Variants in RANBP2 observed in about 807,000 individuals in gnomAD.
RANBP2 encodes RAN binding protein 2.
Under a neutral mutation model 303.6 loss-of-function variants are expected in RANBP2, and 57 were observed. The observed-to-expected ratio is 0.19, with a 90% confidence interval of 0.15 to 0.23. The LOEUF is 0.23. Ranked by LOEUF, RANBP2 falls within the 10% of genes least tolerant of loss-of-function variation. The pLI, the probability that RANBP2 is intolerant of heterozygous loss-of-function variation, is 1.00. For synonymous variants in RANBP2, 1,167 were observed against 1,301.5 expected (o/e 0.90, Z 2.23); for missense variants, 3,138 against 3,780.8 (o/e 0.83, Z 4.46).
chr2:109,170,944 C>G, the RANBP2 span, among the ~76,000 whole-genome samples: 1 of 152,182 alleles, frequency 6.6e-6, no homozygotes, highest in South Asian at 2.1e-4. Flanking sequence ...GTAGCCCACA[C>G]CGGGCTGGGT....
the RANBP2 span, among the ~76,000 whole-genome samples, chr2:109,670,542 G>A: frequency 7.2e-5 from 11 of 152,094 alleles, no homozygotes; most frequent in Non-Finnish European, 1.6e-4. Flanking sequence ...TGCCAGTGGC[G>A]GGTGGCAGAG....
At chr2:108,888,725 C>T in the RANBP2 span, among the ~76,000 whole-genome samples, 2 of 151,684 alleles carry the variant, frequency 1.3e-5, no homozygotes, top group East Asian at 3.9e-4. Flanking sequence ...AACCGTGTAT[C>T]AATTTTTTTT....
chr2:109,104,637 C>T, the RANBP2 span, among the ~76,000 whole-genome samples: 1 of 152,094 alleles, frequency 6.6e-6, no homozygotes, highest in East Asian at 1.9e-4. Flanking sequence ...GCGCCCGCCA[C>T]CATGCCAGGC....
the RANBP2 span, among the ~76,000 whole-genome samples, chr2:109,339,288 T>TG: frequency 2.0e-5 from 2 of 101,218 alleles, no homozygotes; most frequent in East Asian, 3.1e-4. Flanking sequence ...TTTGGGGGGG[T>TG]GGGGGGTAAC....
the RANBP2 span, among the ~76,000 whole-genome samples, chr2:109,372,008 C>G: frequency 6.6e-6 from 1 of 152,166 alleles, no homozygotes; most frequent in African/African-American, 2.4e-5. Flanking sequence ...TTCTCCAACT[C>G]CCCCAAGTGC....
At chr2:109,686,620 ATTT>A in the RANBP2 span, among the ~76,000 whole-genome samples, 2 of 151,032 alleles carry the variant, frequency 1.3e-5, no homozygotes, top group Non-Finnish European at 3.0e-5. Flanking sequence ...GCTTCTTACT[ATTT>A]TTTTTTAAGA....
chr2:109,071,066 G>A, the RANBP2 span, among the ~76,000 whole-genome samples: 1 of 152,108 alleles, frequency 6.6e-6, no homozygotes, highest in Non-Finnish European at 1.5e-5. Flanking sequence ...ACTACAAGGG[G>A]GAAAGGGAGA....
At chr2:108,753,705 G>A in intron 14 of RANBP2, 120 bp from the exon 15 acceptor site, 10 of 1,580,432 alleles carry the variant, frequency 6.3e-6, no homozygotes, top group South Asian at 1.1e-5. Context: ...AGGCTCAAGC[G>A]ATTCTTGTGC....
the RANBP2 span, among the ~76,000 whole-genome samples, chr2:109,715,221 C>T: frequency 6.6e-6 from 1 of 152,146 alleles, no homozygotes; most frequent in African/African-American, 2.4e-5. Flanking sequence ...CCCACCTCGG[C>T]CTCCCAAAGT....
At chr2:109,331,338 G>C in the RANBP2 span, among the ~76,000 whole-genome samples, 1 of 152,060 alleles carries the variant, frequency 6.6e-6, no homozygotes, top group Admixed American at 6.6e-5. Context: ...ACAGCCACCT[G>C]GCCTGTTTTC....
At chr2:108,976,776 C>A in the RANBP2 span, among the ~76,000 whole-genome samples, 3 of 152,086 alleles carry the variant, frequency 2.0e-5, no homozygotes. Context: ...GTTTGTGTGT[C>A]CCTTAGACAT....
the RANBP2 span, among the ~76,000 whole-genome samples, chr2:108,940,613 C>T: frequency 6.6e-6 from 1 of 152,242 alleles, no homozygotes; most frequent in African/African-American, 2.4e-5. Context: ...CCAGTGCCGT[C>T]GTCACACAAT....
At chr2:109,577,522 G>T in the RANBP2 span, among the ~76,000 whole-genome samples, 81 of 151,972 alleles carry the variant, frequency 5.3e-4, 1 homozygote, top group Middle Eastern at 0.017. Context: ...AGTGCAGGAG[G>T]TGGAGGTTGC....
At chr2:109,344,250 C>T in the RANBP2 span, among the ~76,000 whole-genome samples, 1 of 152,072 alleles carries the variant, frequency 6.6e-6, no homozygotes, top group African/African-American at 2.4e-5. Flanking sequence ...GGAAGGTGGC[C>T]GATGGAGTTA....
At chr2:109,138,815 T>C in the RANBP2 span, among the ~76,000 whole-genome samples, 1 of 152,198 alleles carries the variant, frequency 6.6e-6, no homozygotes, top group Non-Finnish European at 1.5e-5. Context: ...ATTAATTCAG[T>C]CCACACATAT....
At chr2:109,006,564 C>T in the RANBP2 span, among the ~76,000 whole-genome samples, 3 of 152,312 alleles carry the variant, frequency 2.0e-5, no homozygotes, top group East Asian at 5.8e-4. Flanking sequence ...GGTTAAAATA[C>T]ACTTGCGAGT....
chr2:108,863,247 A>G, the RANBP2 span, among the ~76,000 whole-genome samples: 2 of 152,254 alleles, frequency 1.3e-5, no homozygotes, highest in Non-Finnish European at 2.9e-5. Flanking sequence ...ATGAAATTAT[A>G]GATGCAATAT....
At chr2:109,163,737 G>A in the RANBP2 span, among the ~76,000 whole-genome samples, 1 of 152,174 alleles carries the variant, frequency 6.6e-6, no homozygotes, top group Non-Finnish European at 1.5e-5. Flanking sequence ...CGATTCCACA[G>A]TGAGTAACTG....
chr2:109,585,727 A>T, the RANBP2 span: 6 of 1,610,784 alleles, frequency 3.7e-6, no homozygotes, highest in Middle Eastern at 1.9e-4. Context: ...GTACCCACAC[A>T]GAGAATATTA....
Sources: gnomAD v4.1 joint callset for allele counts (sites outside exome capture counted in the v4.1 genomes callset) on GRCh38, gnomAD v4.1.1 for gene constraint, MANE v1.5 for transcripts, NCBI Gene and HGNC (gene_info 2026-07-23, HGNC 2026-07-21) for gene names.